Variants in ISOC1 observed in about 807,000 individuals in gnomAD.
ISOC1 encodes isochorismatase domain-containing protein 1.
In ISOC1, 33 loss-of-function variants were observed where a neutral mutation model predicts 30.0. The ratio of observed to expected loss-of-function variants is 1.10; its 90% CI spans 0.83 to 1.47. ISOC1 has a LOEUF of 1.47. Among genes scored for constraint, ISOC1 ranks in the 40% most tolerant of loss-of-function variants. ISOC1 has a pLI of 0.00. For missense variants in ISOC1, 372 were observed against 388.0 expected (o/e 0.96, Z 0.35); for synonymous variants, 178 against 159.8 (o/e 1.11, Z -0.86).
intron 4 of ISOC1, among the ~76,000 whole-genome samples, chr5:129,109,276 G>A (rs1580789886): frequency 6.6e-6 from 1 of 152,176 alleles, no homozygotes; most frequent in East Asian, 1.9e-4. Flanking sequence ...GTGACTTTGA[G>A]CAAGTTGTGT....
At chr5:129,107,600 G>A (rs1003825447) in intron 4 of ISOC1, among the ~76,000 whole-genome samples, 6 of 151,570 alleles carry the variant, frequency 4.0e-5, no homozygotes, top group Non-Finnish European at 5.9e-5. Context: ...ATTGTATTGG[G>A]TATTATAAGT....
At chr5:129,111,311 A>G (rs1231416812) in intron 4 of ISOC1, among the ~76,000 whole-genome samples, 2 of 151,956 alleles carry the variant, frequency 1.3e-5, no homozygotes, top group Non-Finnish European at 2.9e-5. Flanking sequence ...AATTGCTGCA[A>G]AGTTCTGGTT....
chr5:129,104,911 C>T, intron 1 of ISOC1, 45 bp from the exon 2 acceptor site: 3 of 1,589,352 alleles, frequency 1.9e-6, no homozygotes, highest in Non-Finnish European at 2.6e-6. Context: ...AAATAAATGT[C>T]ATTGTACAAC....
At chr5:129,098,450 G>A (rs1170108694) in intron 1 of ISOC1, among the ~76,000 whole-genome samples, 1 of 152,128 alleles carries the variant, frequency 6.6e-6, no homozygotes, top group Non-Finnish European at 1.5e-5. Context: ...ATTATGTAGT[G>A]GGGATTTACG....
chr5:129,095,785 A>G (rs1580784787), intron 1 of ISOC1, among the ~76,000 whole-genome samples: 2 of 152,188 alleles, frequency 1.3e-5, no homozygotes, highest in Admixed American at 6.5e-5. Context: ...GCTGGCTGGG[A>G]AAGTTGTTCT....
At chr5:129,100,621 T>C (rs1303101882) in intron 1 of ISOC1, among the ~76,000 whole-genome samples, 2 of 152,158 alleles carry the variant, frequency 1.3e-5, no homozygotes, top group African/African-American at 4.8e-5. Context: ...GGACTGGCTG[T>C]CTTACAGTTG....
chr5:129,100,624 T>TA lies in ISOC1; in HGVS notation c.310-4331dup, dbSNP rs1256685171. 3.3e-5 allele frequency among the ~76,000 whole-genome samples: 5 copies of TA among 152,212 alleles called. No homozygotes were observed. In the East Asian group the frequency reaches 9.6e-4, roughly 29 times the overall value. On this transcript the variant is annotated intron_variant, in intron 1 of 4. Coordinates refer to ENST00000173527, the MANE Select transcript of ISOC1 (RefSeq NM_016048.2). ...TTTGCTGAGGCAGGACTGGCTGTCT[T>TA]ACAGTTGCAACATGTAAATGTTTGG...
At chr5:129,100,650 C>G (rs1366464551) in intron 1 of ISOC1, among the ~76,000 whole-genome samples, 1 of 152,026 alleles carries the variant, frequency 6.6e-6, no homozygotes, top group Non-Finnish European at 1.5e-5. Context: ...AAATGTTTGG[C>G]TACTGGCGAT....
intron 1 of ISOC1, among the ~76,000 whole-genome samples, chr5:129,100,661 A>G (rs913764995): frequency 4.6e-5 from 7 of 152,088 alleles, no homozygotes; most frequent in African/African-American, 1.4e-4. Flanking sequence ...TACTGGCGAT[A>G]TTTTTTAATT....
chr5:129,110,221 T>A (rs1382406359), intron 4 of ISOC1, among the ~76,000 whole-genome samples: 1 of 152,144 alleles, frequency 6.6e-6, no homozygotes, highest in Non-Finnish European at 1.5e-5. Context: ...TTGGCCTAGT[T>A]GGATTAGTTT....
intron 2 of ISOC1, 48 bp downstream of exon 2, chr5:129,105,123 A>G: frequency 6.2e-7 from 1 of 1,612,598 alleles, no homozygotes; most frequent in Non-Finnish European, 8.5e-7. Flanking sequence ...CATCATATAC[A>G]CTCATATATA....
chr5:129,099,278 T>G (rs1753544124), intron 1 of ISOC1, among the ~76,000 whole-genome samples: 1 of 152,164 alleles, frequency 6.6e-6, no homozygotes, highest in African/African-American at 2.4e-5. Flanking sequence ...GTCCTGGGCT[T>G]GTCTAGCTTC....
intron 1 of ISOC1, among the ~76,000 whole-genome samples, chr5:129,095,826 A>G (rs1469614779): frequency 6.6e-6 from 1 of 152,172 alleles, no homozygotes; most frequent in African/African-American, 2.4e-5. Context: ...CATTTATTTT[A>G]AGCTGTGCTC....
At chr5:129,096,612 AGCGTT>A (rs995786796) in intron 1 of ISOC1, among the ~76,000 whole-genome samples, 17 of 152,176 alleles carry the variant, frequency 1.1e-4, no homozygotes, top group African/African-American at 4.1e-4. Flanking sequence ...TATGTCTTCA[AGCGTT>A]TTCGTGTCTG....
intron 4 of ISOC1, among the ~76,000 whole-genome samples, chr5:129,109,880 A>G (rs1462518921): frequency 6.6e-6 from 1 of 152,122 alleles, no homozygotes; most frequent in East Asian, 1.9e-4. Context: ...AAGACTAGCT[A>G]TATTGCCTGT....
intron 4 of ISOC1, among the ~76,000 whole-genome samples, chr5:129,111,273 GTTTTGTTTTA>G (rs1406460899): frequency 6.6e-6 from 1 of 151,796 alleles, no homozygotes; most frequent in African/African-American, 2.4e-5. Flanking sequence ...TGCTGTTTTT[GTTTTGTTTTA>G]TTTTGTTTTT....
At position 129,113,618 on chromosome 5, in the gene ISOC1, AAT is replaced by A. The variant is rs1484165996; in HGVS notation, c.*618_*619del. The stretch of plus-strand genomic sequence containing the variant: ...TTTCTTATTTTGGTCACTATTACTA[AAT>A]CTCTGTTAATATTCTCTCTTTTAAC... On this transcript the variant is annotated 3_prime_UTR_variant, in exon 5 of 5. Coordinates refer to ENST00000173527, the MANE Select transcript of ISOC1 (RefSeq NM_016048.2). The A allele has an allele frequency of 6.6e-6, 1 of 152,122 alleles. No individual in the cohort carries two copies. The highest frequency in any genetic ancestry group is 2.4e-5 in the African/African-American group (1 of 41,420). The allele number at this position is 152,122 out of a possible 1,614,324, so 9.4% of individuals were successfully genotyped here.
intron 4 of ISOC1, among the ~76,000 whole-genome samples, chr5:129,111,166 T>G (rs1313597601): frequency 1.3e-5 from 2 of 152,118 alleles, no homozygotes; most frequent in East Asian, 1.9e-4. Flanking sequence ...AATTAGGGCT[T>G]CCAGAAGTCT....
chr5:129,105,474 C>T (rs1753626089), intron 3 of ISOC1, 86 bp downstream of exon 3: 1 of 1,108,380 alleles, frequency 9.0e-7, no homozygotes, highest in Non-Finnish European at 1.3e-6. Context: ...TATGGTATGC[C>T]AGGTAGGCAG....
Sources: gnomAD v4.1 joint callset for allele counts (sites outside exome capture counted in the v4.1 genomes callset) on GRCh38, gnomAD v4.1.1 for gene constraint, MANE v1.5 for transcripts, NCBI Gene and HGNC (gene_info 2026-07-23, HGNC 2026-07-21) for gene names.